The following ABCB11 variants were observed in gnomAD, a reference collection of about 807,000 sequenced individuals.
The protein encoded by ABCB11 is bile salt export pump.
Under a neutral mutation model 148.0 loss-of-function variants are expected in ABCB11, and 95 were observed. The ratio of observed to expected loss-of-function variants is 0.64; its 90% CI spans 0.54 to 0.76. The LOEUF (loss-of-function observed/expected upper bound fraction) is 0.76. Ranked by LOEUF, ABCB11 falls within the 30% of genes least tolerant of loss-of-function variation. ABCB11 has a pLI of 0.00. For missense variants in ABCB11, 1,523 were observed against 1,617.8 expected, an observed-to-expected ratio of 0.94 and a Z score of 1.01; for synonymous variants, 591 against 555.4, an observed-to-expected ratio of 1.06 and a Z score of -0.90.
chr2:168,982,771 A>C (rs1232156370), intron 10 of ABCB11, among the ~76,000 whole-genome samples: 3 of 152,082 alleles, frequency 2.0e-5, no homozygotes, highest in Admixed American at 6.6e-5. Flanking sequence ...AAGACCTGAG[A>C]GAGAGAGCGA....
At chr2:169,025,349 A>G (rs1695665942) in intron 1 of ABCB11, among the ~76,000 whole-genome samples, 1 of 152,108 alleles carries the variant, frequency 6.6e-6, no homozygotes, top group Admixed American at 6.5e-5. Flanking sequence ...TCCATCTTTC[A>G]TGTCAGGAAG....
At chr2:168,916,201 A>G (rs1485417713), downstream of ABCB11, among the ~76,000 whole-genome samples, 2 of 152,348 alleles carry the variant, frequency 1.3e-5, no homozygotes, top group East Asian at 3.9e-4. Context: ...TTGTATAATA[A>G]TCATAGGCAC....
intron 21 of ABCB11, among the ~76,000 whole-genome samples, chr2:168,938,877 A>G (rs1691946367): frequency 6.6e-6 from 1 of 152,110 alleles, no homozygotes; most frequent in Non-Finnish European, 1.5e-5. Flanking sequence ...AACAAAACAT[A>G]GATACATATT....
At chr2:168,938,600 G>A (rs540189592) in intron 21 of ABCB11, among the ~76,000 whole-genome samples, 155 of 152,212 alleles carry the variant, frequency 1.0e-3, no homozygotes, top group Non-Finnish European at 1.8e-3. Context: ...GAGATGAATA[G>A]TGGTGATGGT....
chr2:168,972,086 A>G lies in ABCB11; in HGVS notation c.1435-36T>C, dbSNP rs766788627. 2.5e-6 allele frequency: 4 copies of G among 1,585,582 alleles called. 1 individual carries two copies. The highest frequency in any genetic ancestry group is 2.2e-5 in the South Asian group (2 of 89,530). On this transcript the variant is annotated intron_variant, in intron 13 of 27. Coordinates refer to ENST00000650372, the MANE Select transcript of ABCB11 (RefSeq NM_003742.4). ...TGGGCACAACATCACAACTTTTGGAATCTTTCAGGGTTCTGAATCATAATA... is the reference window on the plus strand; with the variant it reads ...TGGGCACAACATCACAACTTTTGGAGTCTTTCAGGGTTCTGAATCATAATA...
intron 13 of ABCB11, among the ~76,000 whole-genome samples, chr2:168,973,059 T>G (rs1404083316): frequency 6.6e-6 from 1 of 152,066 alleles, no homozygotes; most frequent in Admixed American, 6.6e-5. Context: ...GACTGCTCTC[T>G]CTTAATTTCA....
At chr2:169,011,300 T>G (rs1490191903) in intron 5 of ABCB11, among the ~76,000 whole-genome samples, 1 of 152,156 alleles carries the variant, frequency 6.6e-6, no homozygotes, top group East Asian at 1.9e-4. Context: ...CTGAATGCAT[T>G]TTTTTCTCCA....
intron 21 of ABCB11, among the ~76,000 whole-genome samples, chr2:168,942,165 G>T (rs1692092693): frequency 1.3e-5 from 2 of 151,752 alleles, no homozygotes; most frequent in African/African-American, 2.4e-5. Context: ...TTGAGAAAAA[G>T]ATCTCATTCA....
chr2:168,921,369 C>T lies in ABCB11; in HGVS notation c.*2253G>A, dbSNP rs1258726982. On this transcript the variant is annotated 3_prime_UTR_variant, in exon 28 of 28. Coordinates refer to ENST00000650372, the MANE Select transcript of ABCB11 (RefSeq NM_003742.4). Reference sequence around the variant, plus strand: ...TGGCTAAGGGAAGAAAAACCATCTACGTAGAGTGAGCTTGGGAGGAAGCTG... The same window carrying T: ...TGGCTAAGGGAAGAAAAACCATCTATGTAGAGTGAGCTTGGGAGGAAGCTG... Among the ~76,000 whole-genome samples the T allele has an allele frequency of 2.6e-5, 4 of 152,082 alleles. No homozygotes were observed. Among genetic ancestry groups the T allele is most frequent in the South Asian group, 2.1e-4 (1 of 4,828 alleles).
In ABCB11 at chr2:168,971,896, T is replaced by C; in HGVS notation, c.1589A>G (p.Gln530Arg). The C allele has an allele frequency of 6.2e-7, 1 of 1,613,102 alleles. No individual in the cohort carries two copies. Among genetic ancestry groups the C allele is most frequent in the Non-Finnish European group, 8.5e-7 (1 of 1,179,360 alleles). Residue 530 changes from glutamine to arginine, a missense_variant, in exon 14 of 28, where the codon CAA becomes CGA. Physicochemically the swap from Gln to Arg is conservative, Grantham distance 43. Transcript: ENST00000650372. ...REDATMEDIV[Q>R]AAKEANAYNF... ...GTAGGCATTGGCCTCCTTGGCAGCT[T>C]GGACTATGTCTTCCATTGTTGCATC...
At chr2:169,024,900 T>C (rs965911455) in intron 1 of ABCB11, among the ~76,000 whole-genome samples, 1 of 152,176 alleles carries the variant, frequency 6.6e-6, no homozygotes, top group African/African-American at 2.4e-5. Flanking sequence ...GTTTAAAATA[T>C]ACTAAAGGAA....
intron 12 of ABCB11, among the ~76,000 whole-genome samples, chr2:168,974,540 A>G (rs1029520254): frequency 6.6e-6 from 1 of 151,970 alleles, no homozygotes; most frequent in Non-Finnish European, 1.5e-5. Flanking sequence ...CTAGGAGTCA[A>G]ACTTGCAAAT....
At chr2:168,930,540 A>G in intron 25 of ABCB11, 125 bp downstream of exon 25, 1 of 628,286 alleles carries the variant, frequency 1.6e-6, no homozygotes, top group Non-Finnish European at 2.4e-6. Flanking sequence ...GAAAATATGC[A>G]TGGGGTAAGT....
chr2:168,963,615 C>G (rs757006021), intron 18 of ABCB11, among the ~76,000 whole-genome samples: 2 of 151,694 alleles, frequency 1.3e-5, no homozygotes, highest in Non-Finnish European at 3.0e-5. Context: ...TAATTTTATG[C>G]TACCTTGAAT....
In ABCB11 at chr2:168,993,764, C is replaced by A; in HGVS notation, c.730G>T (p.Val244Phe). 1 of 1,610,574 alleles carries A rather than the reference C, an allele frequency of 6.2e-7. No homozygotes were observed. The highest frequency in any genetic ancestry group is 8.5e-7 in the Non-Finnish European group (1 of 1,178,244). The change falls in exon 8 of 28, where the codon GTT (valine) becomes TTT (phenylalanine). Residue 244 changes from valine to phenylalanine, a missense_variant. Val to Phe is a conservative substitution (Grantham distance 50). Transcript: ENST00000650372. ...ATGAGAGGGCTGACAGAAATAATAACCAAGGTCAGTTTCCAACCCCTGAAA... is the reference window on the plus strand; with the variant it reads ...ATGAGAGGGCTGACAGAAATAATAAACAAGGTCAGTTTCCAACCCCTGAAA... ...GFFRGWKLTL[V>F]IISVSPLIGI...
At chr2:168,940,672 G>A (rs1006211178) in intron 21 of ABCB11, among the ~76,000 whole-genome samples, 6 of 152,112 alleles carry the variant, frequency 3.9e-5, no homozygotes, top group African/African-American at 7.2e-5. Flanking sequence ...CATATTTTCC[G>A]TGTTGACCAA....
chr2:168,918,497 G>A (rs1690987397), downstream of ABCB11, among the ~76,000 whole-genome samples: 1 of 152,170 alleles, frequency 6.6e-6, no homozygotes, highest in Admixed American at 6.5e-5. Flanking sequence ...ATGAGTGTGT[G>A]TGCATAGATG....
chr2:169,024,898 T>G (rs1019809963), intron 1 of ABCB11, among the ~76,000 whole-genome samples: 8 of 152,180 alleles, frequency 5.3e-5, no homozygotes, highest in Admixed American at 5.2e-4. Flanking sequence ...TGGTTTAAAA[T>G]ATACTAAAGG....
At position 169,001,864 on chromosome 2, in the gene ABCB11, C is replaced by T. The variant is rs80077385; in HGVS notation, c.390-5142G>A. 9.5e-3 allele frequency among the ~76,000 whole-genome samples: 1,439 copies of T among 152,178 alleles called. 26 individuals are homozygous for T. The highest frequency in any genetic ancestry group is 0.031 in the African/African-American group (1,278 of 41,518). On this transcript the variant is annotated intron_variant, in intron 5 of 27. Coordinates refer to ENST00000650372, the MANE Select transcript of ABCB11 (RefSeq NM_003742.4). ...CAGGGAACTTATCAACATGTTATTA[C>T]TTGGCTCCTGAGGGCTCTAGCCAGT...
Sources: gnomAD v4.1 joint callset for allele counts (sites outside exome capture counted in the v4.1 genomes callset) on GRCh38, gnomAD v4.1.1 for gene constraint, MANE v1.5 for transcripts, NCBI Gene and HGNC (gene_info 2026-07-23, HGNC 2026-07-21) for gene names.